ZNF704: variants seen among roughly 807,000 people sequenced by gnomAD.
The protein encoded by ZNF704 is glucocorticoid induced gene 1.
ZNF704 carries 10 observed loss-of-function variants against 44.7 expected under a neutral mutation model. That is an observed-to-expected ratio of 0.22 (90% confidence interval 0.14 to 0.38). The LOEUF (loss-of-function observed/expected upper bound fraction) is 0.38. Ranked by LOEUF, ZNF704 falls within the 10% of genes least tolerant of loss-of-function variation. The pLI is 1.00. For missense variants in ZNF704, 390 were observed against 545.5 expected (o/e 0.71, Z 2.84); for synonymous variants, 211 against 207.6 (o/e 1.02, Z -0.14).
chr8:80,658,992 T>C (rs1379243681), intron 7 of ZNF704, among the ~76,000 whole-genome samples: 1 of 152,238 alleles, frequency 6.6e-6, no homozygotes, highest in Non-Finnish European at 1.5e-5. Flanking sequence ...ATTTTTTAAA[T>C]GAATGGTTAG....
intron 4 of ZNF704, among the ~76,000 whole-genome samples, chr8:80,678,692 A>C (rs1340260571): frequency 6.6e-6 from 1 of 152,226 alleles, no homozygotes; most frequent in Non-Finnish European, 1.5e-5. Context: ...TGTATATTAA[A>C]CCTTAAACAT....
intron 7 of ZNF704, among the ~76,000 whole-genome samples, chr8:80,652,216 G>A (rs1817933743): frequency 6.6e-6 from 1 of 151,968 alleles, no homozygotes; most frequent in Non-Finnish European, 1.5e-5. Context: ...GAGAAAGCAG[G>A]AAAGATCTAA....
intron 2 of ZNF704, among the ~76,000 whole-genome samples, chr8:80,742,701 ACCAG>A (rs2131695193): frequency 6.6e-6 from 1 of 152,246 alleles, no homozygotes; most frequent in African/African-American, 2.4e-5. Flanking sequence ...GGACCCCTGG[ACCAG>A]CCTGCTAGAC....
At chr8:80,721,852 T>C (rs1484621064) in intron 2 of ZNF704, among the ~76,000 whole-genome samples, 1 of 152,240 alleles carries the variant, frequency 6.6e-6, no homozygotes, top group Non-Finnish European at 1.5e-5. Context: ...ATATGGACTT[T>C]ACACATTTTA....
At chr8:80,693,489 CAA>C (rs1270563532) in intron 2 of ZNF704, among the ~76,000 whole-genome samples, 1 of 152,158 alleles carries the variant, frequency 6.6e-6, no homozygotes, top group African/African-American at 2.4e-5. Flanking sequence ...CTAGGAGGAA[CAA>C]AGTCATTTCT....
Position 80,723,489 on chromosome 8 carries a change from G to A in ZNF704, c.222-30382C>T, listed in dbSNP as rs183098046. Among the ~76,000 whole-genome samples, 29 of 152,224 alleles carry A rather than the reference G, an allele frequency of 1.9e-4. No homozygotes were observed. The East Asian group carries it at 3.7e-3, about 19-fold the overall frequency. ...AATCATAAATAGGATAAAGTTCTGC[G>A]GAGAAAGTGAAATGGAAAATGAGTT... On this transcript the variant is annotated intron_variant, in intron 2 of 8. Transcript: ENST00000327835.
intron 1 of ZNF704, among the ~76,000 whole-genome samples, chr8:80,832,612 A>C (rs1241473272): frequency 6.6e-6 from 1 of 152,214 alleles, no homozygotes; most frequent in African/African-American, 2.4e-5. Context: ...CATTTCCAGG[A>C]ATAATCTGAA....
intron 2 of ZNF704, among the ~76,000 whole-genome samples, chr8:80,802,396 CTT>C (rs1323031659): frequency 6.6e-6 from 1 of 151,818 alleles, no homozygotes; most frequent in East Asian, 1.9e-4. Context: ...AAAAACAAAA[CTT>C]CAAGCCAATA....
intron 6 of ZNF704, among the ~76,000 whole-genome samples, chr8:80,661,961 A>G (rs1818108934): frequency 6.6e-6 from 1 of 152,190 alleles, no homozygotes; most frequent in Non-Finnish European, 1.5e-5. Flanking sequence ...TTCCCAACAC[A>G]CAGAAATGAT....
intron 2 of ZNF704, among the ~76,000 whole-genome samples, chr8:80,778,721 C>T (rs541928343): frequency 6.6e-6 from 1 of 152,162 alleles, no homozygotes; most frequent in African/African-American, 2.4e-5. Flanking sequence ...ATGGATGGAG[C>T]TGGGGGCCAT....
chr8:80,709,436 C>T (rs1326979584), intron 2 of ZNF704, among the ~76,000 whole-genome samples: 1 of 110,620 alleles, frequency 9.0e-6, no homozygotes, highest in African/African-American at 3.8e-5. Flanking sequence ...GTGCGAGACT[C>T]CATCTCAAAA....
rs915181074 is a variant in ZNF704 at position 80,723,528 on chromosome 8, A to G, written c.222-30421T>C. On this transcript the variant is annotated intron_variant, in intron 2 of 8. Coordinates refer to ENST00000327835, the MANE Select transcript of ZNF704 (RefSeq NM_001033723.3). Reference sequence around the variant, plus strand: ...GGAAAATGAGTTAAAACAAAAAGAAACAAGTAAAATTTCTGCCAGTTAAAA... The same window carrying G: ...GGAAAATGAGTTAAAACAAAAAGAAGCAAGTAAAATTTCTGCCAGTTAAAA... Among the ~76,000 whole-genome samples the G allele has an allele frequency of 2.8e-4, 43 of 152,342 alleles. 1 individual carries two copies. Among genetic ancestry groups the G allele is most frequent in the Non-Finnish European group, 2.5e-4 (17 of 68,022 alleles).
intron 2 of ZNF704, among the ~76,000 whole-genome samples, chr8:80,766,889 T>C (rs1001012534): frequency 6.6e-6 from 1 of 151,976 alleles, no homozygotes; most frequent in African/African-American, 2.4e-5. Flanking sequence ...ATTTTTGTAT[T>C]TTTAGTAGAG....
At chr8:80,775,016 C>T (rs1807387737) in intron 2 of ZNF704, among the ~76,000 whole-genome samples, 1 of 152,092 alleles carries the variant, frequency 6.6e-6, no homozygotes, top group African/African-American at 2.4e-5. Flanking sequence ...TTTTTTAATA[C>T]ATAATGTCCA....
chr8:80,806,700 C>T (rs1458413897), intron 2 of ZNF704, among the ~76,000 whole-genome samples: 1 of 152,140 alleles, frequency 6.6e-6, no homozygotes, highest in Non-Finnish European at 1.5e-5. Context: ...ATACAAAATA[C>T]CACAACCAAG....
At chr8:80,871,246 G>T (rs949426998) in intron 1 of ZNF704, among the ~76,000 whole-genome samples, 2 of 152,156 alleles carry the variant, frequency 1.3e-5, no homozygotes, top group African/African-American at 2.4e-5. Context: ...ACTTTTCAAA[G>T]ATTTCACTAT....
intron 2 of ZNF704, among the ~76,000 whole-genome samples, chr8:80,804,868 C>T (rs1490749375): frequency 6.6e-6 from 1 of 152,060 alleles, no homozygotes; most frequent in African/African-American, 2.4e-5. Context: ...GCCATTTTAA[C>T]ACCAAAAATG....
At chr8:80,664,545 T>C (rs994042853) in intron 6 of ZNF704, among the ~76,000 whole-genome samples, 2 of 152,224 alleles carry the variant, frequency 1.3e-5, no homozygotes, top group African/African-American at 2.4e-5. Flanking sequence ...TGTTTGGGAT[T>C]ACAGGCGTGA....
At chr8:80,690,076 C>A (rs1390395617) in intron 3 of ZNF704, among the ~76,000 whole-genome samples, 1 of 150,432 alleles carries the variant, frequency 6.6e-6, no homozygotes, top group African/African-American at 2.5e-5. Flanking sequence ...AAAAAAAAGC[C>A]TTCATTATAA....
Sources: allele counts gnomAD v4.1 joint callset (sites outside exome capture counted in the v4.1 genomes callset), GRCh38; gene constraint gnomAD v4.1.1; transcripts MANE v1.5; gene names NCBI Gene and HGNC (gene_info 2026-07-23, HGNC 2026-07-21).